MAP3K5: variants seen among roughly 807,000 people sequenced by gnomAD.
MAP3K5 encodes the protein ASK-1.
Under a neutral mutation model 158.7 loss-of-function variants are expected in MAP3K5, and 56 were observed. The ratio of observed to expected loss-of-function variants is 0.35; its 90% CI spans 0.28 to 0.44. The LOEUF is 0.44. Among genes scored for constraint, MAP3K5 ranks in the 20% least tolerant of loss-of-function variants. MAP3K5 has a pLI of 1.00. For synonymous variants in MAP3K5, 579 were observed against 601.7 expected (o/e 0.96, Z 0.55); for missense variants, 1,294 against 1,674.8 (o/e 0.77, Z 3.97).
chr6:136,626,652 T>C (rs1777051150), intron 14 of MAP3K5, among the ~76,000 whole-genome samples: 1 of 152,142 alleles, frequency 6.6e-6, no homozygotes, highest in Non-Finnish European at 1.5e-5. Flanking sequence ...ATTCCACCAG[T>C]GGGACCCAGC....
At chr6:136,773,924 G>A (rs1475994933) in intron 1 of MAP3K5, among the ~76,000 whole-genome samples, 1 of 151,978 alleles carries the variant, frequency 6.6e-6, no homozygotes, top group Non-Finnish European at 1.5e-5. Context: ...CAAAGTGCTG[G>A]GATTACATTA....
Position 136,737,035 on chromosome 6 carries a change from G to GTATATATATATATA in MAP3K5, c.449-16447_449-16446insTATATATATATATA, listed in dbSNP as rs1452375249. ...ATTAATTTTACATATATATATGTGT[G>GTATATATATATATA]TGTATATATATATATATATATAAAC... is the stretch of plus-strand genomic sequence containing the variant. On this transcript the variant is annotated intron_variant, in intron 1 of 29. Transcript: ENST00000359015. Among the ~76,000 whole-genome samples the GTATATATATATATA allele has an allele frequency of 1.2e-3, 143 of 118,688 alleles. 1 individual carries two copies. Among genetic ancestry groups the GTATATATATATATA allele is most frequent in the Non-Finnish European group, 1.6e-3 (107 of 64,950 alleles). The allele number at this position is 118,688 out of a possible 152,430, so 77.9% of individuals were successfully genotyped here.
intron 1 of MAP3K5, among the ~76,000 whole-genome samples, chr6:136,760,796 C>G (rs1431770873): frequency 6.6e-6 from 1 of 152,116 alleles, no homozygotes; most frequent in Admixed American, 6.5e-5. Flanking sequence ...GTGTCGAAAC[C>G]CTGTCTCTAC....
At chr6:136,573,987 G>C (rs59909175) in intron 25 of MAP3K5, among the ~76,000 whole-genome samples, 4,752 of 151,238 alleles carry the variant, frequency 0.031, 257 homozygotes, top group African/African-American at 0.11. Context: ...CTGGAGTGCA[G>C]TGGCATGATC....
chr6:136,605,396 T>C, intron 18 of MAP3K5, 30 bp from the exon 19 acceptor site: 1 of 1,578,954 alleles, frequency 6.3e-7, no homozygotes, highest in Non-Finnish European at 8.6e-7. Flanking sequence ...ATTTCCATTT[T>C]AAAAAGATAA....
At chr6:136,670,596 AATAGTGTATATTGTAGG>A (rs1408926084) in intron 7 of MAP3K5, among the ~76,000 whole-genome samples, 5 of 151,926 alleles carry the variant, frequency 3.3e-5, no homozygotes, top group African/African-American at 1.2e-4. Context: ...TGATAGGCAC[AATAGTGTATATTGTAGG>A]CACAATAAAT....
Position 136,613,107 on chromosome 6 carries a change from T to C in MAP3K5, c.2415+13A>G. ...AGAAAGAACTCATGAAAATGAATGC[T>C]GGTGTACCTCACCTTTATGTCCCGG... is the stretch of plus-strand genomic sequence containing the variant. On this transcript the variant is annotated intron_variant, in intron 17 of 29. Coordinates refer to ENST00000359015, the MANE Select transcript of MAP3K5 (RefSeq NM_005923.4). The surrounding 1 kb of genome is among the most constrained non-coding windows in gnomAD (Gnocchi z 4.0). The C allele has an allele frequency of 6.3e-7, 1 of 1,588,488 alleles. No homozygotes were observed. Among genetic ancestry groups the C allele is most frequent in the Non-Finnish European group, 8.6e-7 (1 of 1,169,160 alleles).
At chr6:136,598,779 C>T (rs537657538) in intron 21 of MAP3K5, among the ~76,000 whole-genome samples, 1 of 152,200 alleles carries the variant, frequency 6.6e-6, no homozygotes, top group Non-Finnish European at 1.5e-5. Context: ...AAGGAAGAGG[C>T]CTGTATCTTG....
At chr6:136,710,640 C>G (rs980184352) in intron 2 of MAP3K5, among the ~76,000 whole-genome samples, 1 of 152,138 alleles carries the variant, frequency 6.6e-6, no homozygotes, top group Admixed American at 6.5e-5. Context: ...ATTTAGGTAA[C>G]TGCAGCCAGC....
chr6:136,620,552 CT>C (rs1315421562), intron 15 of MAP3K5, among the ~76,000 whole-genome samples: 1 of 152,120 alleles, frequency 6.6e-6, no homozygotes, highest in Non-Finnish European at 1.5e-5. Context: ...TGGGTCCTTC[CT>C]AAGGAAGGCT....
chr6:136,580,861 G>A (rs966736205), intron 24 of MAP3K5, among the ~76,000 whole-genome samples: 1 of 151,682 alleles, frequency 6.6e-6, no homozygotes, highest in Non-Finnish European at 1.5e-5. Context: ...GTCACCCAGG[G>A]TGGAGTGCAG....
chr6:136,558,908 G>A lies in MAP3K5; in HGVS notation c.3988-32C>T, dbSNP rs767431619. ...AGAAAGTAGAATATGCACAAAAGAT[G>A]TTTTATATAACTTTAATAAAGCACA... is the stretch of plus-strand genomic sequence containing the variant. On this transcript the variant is annotated intron_variant, in intron 28 of 29. Coordinates refer to ENST00000359015, the MANE Select transcript of MAP3K5 (RefSeq NM_005923.4). 13 of 1,088,340 alleles carry A rather than the reference G, an allele frequency of 1.2e-5. No individual in the cohort carries two copies. In the East Asian group the frequency reaches 3.1e-4, roughly 26 times the overall value. 67.4% of individuals were successfully genotyped at this position (1,088,340 alleles called of 1,614,324 possible).
At chr6:136,769,850 G>A (rs1450791227) in intron 1 of MAP3K5, among the ~76,000 whole-genome samples, 2 of 90,506 alleles carry the variant, frequency 2.2e-5, no homozygotes, top group Non-Finnish European at 4.7e-5. Context: ...GAGGGAGGGA[G>A]GGAGGGGAAG....
intron 7 of MAP3K5, among the ~76,000 whole-genome samples, chr6:136,675,930 G>A (rs756582001): frequency 4.6e-5 from 7 of 152,098 alleles, no homozygotes; most frequent in Admixed American, 6.5e-5. Flanking sequence ...ACGGTCATCC[G>A]TACAGATGAT....
chr6:136,631,655 A>C (rs906886491), intron 14 of MAP3K5, among the ~76,000 whole-genome samples: 1 of 151,976 alleles, frequency 6.6e-6, no homozygotes. Flanking sequence ...TCCCATCCAT[A>C]TCTCTCTCCT....
chr6:136,595,871 A>G (rs1316847053), intron 21 of MAP3K5, among the ~76,000 whole-genome samples: 1 of 152,036 alleles, frequency 6.6e-6, no homozygotes, highest in Non-Finnish European at 1.5e-5. Flanking sequence ...TTAGCCTGAC[A>G]TGGTGGTGTG....
chr6:136,669,284 A>G lies in MAP3K5; in HGVS notation c.1365T>C (p.Val455=). Residue 455 remains valine (V), a splice_region_variant and synonymous_variant, in exon 8 of 30, where the codon GTT becomes GTC. Transcript: ENST00000359015. ...QFESSFELRK[V]GVKLSSLLGK... ...TGTAAAATATCAAGTTGTAATTACCAACTTTCCGGAGCTCAAAGGAAGATT... is the reference window on the plus strand; with the variant it reads ...TGTAAAATATCAAGTTGTAATTACCGACTTTCCGGAGCTCAAAGGAAGATT... 6.2e-7 allele frequency: 1 copy of G among 1,607,858 alleles called. No individual in the cohort carries two copies. Among genetic ancestry groups the G allele is most frequent in the Non-Finnish European group, 8.5e-7 (1 of 1,174,968 alleles).
intron 11 of MAP3K5, among the ~76,000 whole-genome samples, chr6:136,644,504 C>G (rs144511234): frequency 2.0e-5 from 3 of 152,156 alleles, no homozygotes; most frequent in Non-Finnish European, 4.4e-5. Context: ...TTTCTAGGAA[C>G]GGGTTAGCCT....
intron 1 of MAP3K5, among the ~76,000 whole-genome samples, chr6:136,721,131 G>T (rs748288329): frequency 2.0e-5 from 3 of 151,580 alleles, no homozygotes; most frequent in African/African-American, 7.3e-5. Flanking sequence ...ACTGGAAACC[G>T]AGGAGAATTT....
Sources: gnomAD v4.1 joint callset for allele counts (sites outside exome capture counted in the v4.1 genomes callset) on GRCh38, gnomAD v4.1.1 for gene constraint, Gnocchi (gnomAD v3.1) non-coding constraint, MANE v1.5 for transcripts, NCBI Gene and HGNC (gene_info 2026-07-23, HGNC 2026-07-21) for gene names.